The following PEX5L variants were observed in gnomAD, a reference collection of about 807,000 sequenced individuals.
The protein encoded by PEX5L is PEX5-related protein.
PEX5L carries 30 observed loss-of-function variants against 84.0 expected under a neutral mutation model. The observed-to-expected ratio is 0.36, with a 90% confidence interval of 0.27 to 0.48. PEX5L has a LOEUF of 0.48. Among genes scored for constraint, PEX5L ranks in the 20% least tolerant of loss-of-function variants. The probability of loss-of-function intolerance (pLI) is 0.99; values close to 1 mark genes in which losing one functional copy is unlikely to be tolerated. For synonymous variants in PEX5L, 270 were observed against 283.1 expected (o/e 0.95, Z 0.46); for missense variants, 533 against 754.6 (o/e 0.71, Z 3.44).
rs111659338 is a variant in PEX5L at position 179,955,719 on chromosome 3, TTATAA to T, written c.93+15870_93+15874del. On this transcript the variant is annotated intron_variant, in intron 2 of 14. Transcript: ENST00000467460. ...ACCATTATTTCTTTAGAACTACGTA[TTATAA>T]TATAATCTTTTGGGGCAGTTGAAAA... 3.5e-4 allele frequency among the ~76,000 whole-genome samples: 54 copies of T among 152,288 alleles called. 3 individuals carry two copies. In the East Asian group the frequency reaches 6.0e-3, roughly 17 times the overall value.
chr3:179,961,878 G>A (rs912537209), intron 2 of PEX5L, among the ~76,000 whole-genome samples: 1 of 152,090 alleles, frequency 6.6e-6, no homozygotes, highest in East Asian at 1.9e-4. Context: ...CTGAACTGTC[G>A]ATACGGTTCA....
intron 3 of PEX5L, chr3:179,895,984 A>G (rs746423632): frequency 1.3e-5 from 2 of 152,098 alleles, no homozygotes; most frequent in African/African-American, 4.8e-5. Context: ...GCTTTACAGG[A>G]GACACTGGGA....
intron 1 of PEX5L, among the ~76,000 whole-genome samples, chr3:179,998,702 G>A (rs2110409609): frequency 6.6e-6 from 1 of 152,336 alleles, no homozygotes; most frequent in East Asian, 1.9e-4. Flanking sequence ...GTGGGCCATG[G>A]ACAGCAGCAT....
intron 1 of PEX5L, among the ~76,000 whole-genome samples, chr3:179,996,484 C>T (rs1787900456): frequency 6.6e-6 from 1 of 152,096 alleles, no homozygotes; most frequent in Non-Finnish European, 1.5e-5. Flanking sequence ...GCTGGAAATG[C>T]CTGATTTCCC....
intron 14 of PEX5L, among the ~76,000 whole-genome samples, chr3:179,804,546 C>T (rs1310998880): frequency 6.6e-6 from 1 of 152,136 alleles, no homozygotes; most frequent in East Asian, 1.9e-4. Flanking sequence ...AAGTTTCACA[C>T]CAACAATTTC....
chr3:179,811,740 A>G (rs373718566), intron 11 of PEX5L, 61 bp downstream of exon 11: 2 of 1,208,392 alleles, frequency 1.7e-6, no homozygotes, highest in Non-Finnish European at 2.5e-6. Context: ...ACAAATCTGA[A>G]ACAGGAAGTT....
At chr3:180,018,932 C>T (rs1163214274) in intron 1 of PEX5L, among the ~76,000 whole-genome samples, 6 of 152,226 alleles carry the variant, frequency 3.9e-5, no homozygotes, top group South Asian at 2.1e-4. Context: ...CTAGAGTTTT[C>T]GGGCCACTCT....
intron 6 of PEX5L, 116 bp downstream of exon 6, chr3:179,875,236 TTA>T (rs1305144516): frequency 2.7e-5 from 24 of 875,206 alleles, no homozygotes; most frequent in Non-Finnish European, 3.7e-5. Context: ...ATTGGTATTG[TTA>T]TATAGGGGTT....
Position 179,968,697 on chromosome 3 carries a change from CTG to C in PEX5L, c.93+2895_93+2896del, listed in dbSNP as rs67094806. On this transcript the variant is annotated intron_variant, in intron 2 of 14. Transcript: ENST00000467460. ...GTGTGATACATTTCTATTTAAATGA[CTG>C]TGTGTGTGTGTGTGTGTGTGTGTCT... 1.2e-3 allele frequency among the ~76,000 whole-genome samples: 168 copies of C among 144,034 alleles called. 1 individual carries two copies. The highest frequency in any genetic ancestry group is 1.8e-3 in the Non-Finnish European group (117 of 65,464). 94.5% of individuals were successfully genotyped at this position (144,034 alleles called of 152,430 possible).
intron 2 of PEX5L, among the ~76,000 whole-genome samples, chr3:179,948,667 CAT>C (rs1778259755): frequency 6.6e-6 from 1 of 152,164 alleles, no homozygotes; most frequent in Non-Finnish European, 1.5e-5. Context: ...TGGGTAGGTG[CAT>C]ACTGTATTTC....
Position 180,019,746 on chromosome 3 carries a change from G to C in PEX5L, c.21+16833C>G, listed in dbSNP as rs74540860. On this transcript the variant is annotated intron_variant, in intron 1 of 14. Transcript: ENST00000467460. ...ACTAACTTATCCCATTAATTAGTTT[G>C]AGGGTATAATTTCCATATGATCACC... 5.6e-3 allele frequency among the ~76,000 whole-genome samples: 860 copies of C among 152,276 alleles called. 6 individuals are homozygous for C. Among genetic ancestry groups the C allele is most frequent in the Non-Finnish European group, 0.01 (696 of 68,006 alleles).
chr3:179,957,652 G>A (rs1780915290), intron 2 of PEX5L, among the ~76,000 whole-genome samples: 1 of 152,204 alleles, frequency 6.6e-6, no homozygotes, highest in African/African-American at 2.4e-5. Flanking sequence ...ACAGAAAGCT[G>A]CTCAACAAAT....
chr3:180,024,061 G>A (rs978229889), intron 1 of PEX5L, among the ~76,000 whole-genome samples: 5 of 152,064 alleles, frequency 3.3e-5, no homozygotes, highest in Non-Finnish European at 7.4e-5. Context: ...CACAGTCTTT[G>A]TATATTTGGT....
chr3:179,878,101 G>T (rs903063923), intron 5 of PEX5L, among the ~76,000 whole-genome samples: 6 of 152,062 alleles, frequency 3.9e-5, no homozygotes, highest in African/African-American at 1.4e-4. Context: ...TCTAATGGAG[G>T]TATCCACAGA....
In PEX5L at chr3:180,011,644, G is replaced by C. The variant is rs1342810540; in HGVS notation, c.21+24935C>G. ...TGCTTAAGTGATTGTAAATAAAATA[G>C]AATCTTTAATTTTGAATAAAAATGA... On this transcript the variant is annotated intron_variant, in intron 1 of 14. Coordinates refer to ENST00000467460, the MANE Select transcript of PEX5L (RefSeq NM_016559.3). Among the ~76,000 whole-genome samples, 5 of 152,154 alleles carry C rather than the reference G, an allele frequency of 3.3e-5. No individual in the cohort carries two copies. The East Asian group carries it at 7.7e-4, about 23-fold the overall frequency.
At chr3:179,868,903 G>A (rs375545395) in intron 7 of PEX5L, among the ~76,000 whole-genome samples, 2 of 151,200 alleles carry the variant, frequency 1.3e-5, no homozygotes, top group African/African-American at 4.8e-5. Flanking sequence ...TCTTCGTTCC[G>A]AGGGCTCCTG....
At chr3:180,034,331 T>C (rs1453000999) in intron 1 of PEX5L, among the ~76,000 whole-genome samples, 1 of 152,210 alleles carries the variant, frequency 6.6e-6, no homozygotes, top group East Asian at 1.9e-4. Flanking sequence ...TGCTTATCCC[T>C]GGTCCACTTT....
In PEX5L at chr3:180,036,742, G is replaced by C; in HGVS notation, c.-143C>G. Reference sequence around the variant, plus strand: ...GAGCCCCCTGGAGCTCCGGGTACTCGGCCGGCCGGCGGCCACTCGGCAGCG... The same window carrying C: ...GAGCCCCCTGGAGCTCCGGGTACTCCGCCGGCCGGCGGCCACTCGGCAGCG... On this transcript the variant is annotated 5_prime_UTR_variant, in exon 1 of 15. Transcript: ENST00000467460. 1.2e-6 allele frequency: 1 copy of C among 846,056 alleles called. No homozygotes were observed. The highest frequency in any genetic ancestry group is 1.4e-5 in the South Asian group (1 of 69,076). 52.4% of individuals were successfully genotyped at this position (846,056 alleles called of 1,614,324 possible).
At chr3:180,002,643 TCC>T (rs1475884360) in intron 1 of PEX5L, among the ~76,000 whole-genome samples, 6 of 152,120 alleles carry the variant, frequency 3.9e-5, no homozygotes, top group Non-Finnish European at 1.5e-5. Flanking sequence ...TAAATATTTG[TCC>T]AAACCTGTAT....
Sources: allele counts gnomAD v4.1 joint callset (sites outside exome capture counted in the v4.1 genomes callset), GRCh38; gene constraint gnomAD v4.1.1; transcripts MANE v1.5; gene names NCBI Gene and HGNC (gene_info 2026-07-23, HGNC 2026-07-21).